POPDC3: variants seen among roughly 807,000 people sequenced by gnomAD.
The protein encoded by POPDC3 is popeye domain-containing protein 3.
In POPDC3, 20 loss-of-function variants were observed where a neutral mutation model predicts 28.2. That is an observed-to-expected ratio of 0.71 (90% CI 0.50 to 1.03). The LOEUF (loss-of-function observed/expected upper bound fraction) is 1.03. Among genes scored for constraint, POPDC3 ranks in the 50% least tolerant of loss-of-function variants. The probability of loss-of-function intolerance (pLI) is 0.00; values close to 1 mark genes in which losing one functional copy is unlikely to be tolerated. For synonymous variants in POPDC3, 118 were observed against 124.1 expected (o/e 0.95, Z 0.33); for missense variants, 316 against 345.9 (o/e 0.91, Z 0.69).
chr6:105,171,621 T>G (rs923622554), intron 1 of POPDC3, among the ~76,000 whole-genome samples: 2 of 151,850 alleles, frequency 1.3e-5, no homozygotes, highest in Non-Finnish European at 2.9e-5. Context: ...CAGAGAGCTG[T>G]GATCACGCCA....
In POPDC3 at chr6:105,178,969, C is replaced by T. The variant is rs892950628; in HGVS notation, c.-252+864G>A. 1.0e-5 allele frequency: 10 copies of T among 985,284 alleles called. No individual in the cohort carries two copies. In the Admixed American group the frequency reaches 2.5e-4, roughly 24 times the overall value. 61.0% of individuals were successfully genotyped at this position (985,284 alleles called of 1,614,324 possible). A position where few individuals can be genotyped will look rare whatever the true frequency, so the allele number is the denominator to read the frequency against. On this transcript the variant is annotated intron_variant, in intron 1 of 3. Coordinates refer to ENST00000254765, the MANE Select transcript of POPDC3 (RefSeq NM_022361.5). Reference sequence around the variant, plus strand: ...ATTAGAGTGAAAAGTCAGGAAGCAACGAAGTTTAGTAAATCAAATTGCGTC... The same window carrying T: ...ATTAGAGTGAAAAGTCAGGAAGCAATGAAGTTTAGTAAATCAAATTGCGTC...
intron 1 of POPDC3, among the ~76,000 whole-genome samples, chr6:105,170,937 A>G (rs1178630113): frequency 6.6e-6 from 1 of 152,222 alleles, no homozygotes; most frequent in Non-Finnish European, 1.5e-5. Context: ...AATGGTTGCC[A>G]TTTGTGAGTT....
intron 1 of POPDC3, chr6:105,169,649 A>C (rs1266368315): frequency 6.6e-6 from 1 of 152,206 alleles, no homozygotes; most frequent in African/African-American, 2.4e-5. Context: ...GTGTGACGCC[A>C]CCAAGGCCAG....
intron 1 of POPDC3, among the ~76,000 whole-genome samples, chr6:105,174,796 A>G (rs933071952): frequency 7.2e-5 from 11 of 152,214 alleles, no homozygotes; most frequent in African/African-American, 2.7e-4. Flanking sequence ...GATGAATCAA[A>G]AGTTGATACT....
intron 1 of POPDC3, chr6:105,177,167 G>A (rs1774696921): frequency 6.1e-6 from 1 of 163,766 alleles, no homozygotes; most frequent in Admixed American, 6.6e-5. Flanking sequence ...ATTGAAGACT[G>A]CCATGGATTG....
At chr6:105,171,026 T>C (rs1184014654) in intron 1 of POPDC3, among the ~76,000 whole-genome samples, 5 of 152,220 alleles carry the variant, frequency 3.3e-5, no homozygotes, top group East Asian at 1.9e-4. Context: ...TGTTTTTATA[T>C]AGGAAAGTTC....
rs1562152081 is a variant in POPDC3 at position 105,161,848 on chromosome 6, C to T, written c.62G>A (p.Trp21Ter). The T allele has an allele frequency of 6.2e-7, 1 of 1,613,778 alleles. No homozygotes were observed. The highest frequency in any genetic ancestry group is 8.5e-7 in the Non-Finnish European group (1 of 1,179,950). ...AATGGCTCCTTCGGCCTCTTGCTTC[C>T]AGGTTGTGCAGACTGGGTGTTCATC... Reference protein sequence around the residue: ...LIDEHPVCTTWKQEAEGAIYH... With the variant: ...LIDEHPVCTT The change falls in exon 2 of 4, where the codon TGG becomes TAG. Residue 21 changes from tryptophan (W) to a stop codon, truncating the protein, a stop_gained. Coordinates refer to ENST00000254765, the MANE Select transcript of POPDC3 (RefSeq NM_022361.5). LOFTEE classifies it high-confidence loss of function.
At chr6:105,179,187 A>G (rs1207422697) in intron 1 of POPDC3, 2 of 985,274 alleles carry the variant, frequency 2.0e-6, no homozygotes, top group Non-Finnish European at 2.4e-6. Flanking sequence ...AAGACAATTT[A>G]GGGGTTGGCA....
chr6:105,162,965 A>C (rs932381008), intron 1 of POPDC3, among the ~76,000 whole-genome samples: 3 of 152,300 alleles, frequency 2.0e-5, no homozygotes, highest in Admixed American at 2.0e-4. Flanking sequence ...CAGGCCACAC[A>C]GTGGTCACTG....
intron 1 of POPDC3, among the ~76,000 whole-genome samples, chr6:105,167,822 G>A (rs1188379183): frequency 4.0e-5 from 6 of 151,460 alleles, no homozygotes; most frequent in African/African-American, 7.3e-5. Flanking sequence ...CAGTGTTTTA[G>A]AAATAGTGGG....
At chr6:105,170,760 G>A (rs966934398) in intron 1 of POPDC3, among the ~76,000 whole-genome samples, 2 of 152,216 alleles carry the variant, frequency 1.3e-5, no homozygotes, top group African/African-American at 4.8e-5. Flanking sequence ...AATGGGGTTA[G>A]TGATATAACA....
intron 1 of POPDC3, among the ~76,000 whole-genome samples, chr6:105,175,397 G>A (rs1293781090): frequency 1.3e-5 from 2 of 150,458 alleles, no homozygotes; most frequent in Admixed American, 1.3e-4. Flanking sequence ...AAAAAGCTGG[G>A]TGCCATGGTG....
chr6:105,159,688 CTG>C (rs757982580), intron 3 of POPDC3, 21 bp downstream of exon 3: 3 of 1,303,726 alleles, frequency 2.3e-6, no homozygotes, highest in Non-Finnish European at 3.3e-6. Context: ...GGAGTGCTAA[CTG>C]TGTGTTCTGG....
Position 105,164,551 on chromosome 6 carries a change from T to C in POPDC3, c.-251-2391A>G, listed in dbSNP as rs148880990. Among the ~76,000 whole-genome samples the C allele has an allele frequency of 4.6e-3, 698 of 152,360 alleles. 7 individuals are homozygous for C. The highest frequency in any genetic ancestry group is 0.016 in the African/African-American group (672 of 41,578). ...TTTTATTTGGTCACCAAAACAGATA[T>C]GCTTTATTAGAAGTGGAAGAACTGA... On this transcript the variant is annotated intron_variant, in intron 1 of 3. Transcript: ENST00000254765.
At position 105,172,610 on chromosome 6, in the gene POPDC3, ACAATAG is replaced by A. The variant is rs1481477544; in HGVS notation, c.-252+7217_-252+7222del. ...ACATATGTTTATTGCGTCACTATTC[ACAATAG>A]CAAAGACTTGGAACCAACCCAAATG... On this transcript the variant is annotated intron_variant, in intron 1 of 3. Transcript: ENST00000254765. Among the ~76,000 whole-genome samples, 8 of 150,852 alleles carry A rather than the reference ACAATAG, an allele frequency of 5.3e-5. 1 individual carries two copies. The highest frequency in any genetic ancestry group is 2.0e-4 in the African/African-American group (8 of 40,718).
intron 1 of POPDC3, chr6:105,178,556 T>C (rs949391890): frequency 1.8e-5 from 3 of 169,242 alleles, no homozygotes; most frequent in African/African-American, 8.2e-5. Flanking sequence ...TATCCCAAAC[T>C]CCTGAAGACA....
intron 1 of POPDC3, among the ~76,000 whole-genome samples, chr6:105,177,571 G>A (rs1249452623): frequency 2.0e-5 from 3 of 152,318 alleles, no homozygotes; most frequent in African/African-American, 7.2e-5. Flanking sequence ...AAGATCAGCT[G>A]TGCTCTTTCT....
In POPDC3 at chr6:105,158,273, T is replaced by C. The variant is rs140524770; in HGVS notation, c.*197A>G. 2.9e-5 allele frequency: 15 copies of C among 521,868 alleles called. No homozygotes were observed. The highest frequency in any genetic ancestry group is 2.4e-4 in the East Asian group (8 of 33,232). 32.3% of individuals were successfully genotyped at this position (521,868 alleles called of 1,614,324 possible). On this transcript the variant is annotated 3_prime_UTR_variant, in exon 4 of 4. Transcript: ENST00000254765. ...TCCACCCCCTCCCCAATTATAACAA[T>C]GAGAAATACAAGAAAAATTTGTAAA...
intron 1 of POPDC3, among the ~76,000 whole-genome samples, chr6:105,165,451 C>T (rs569894397): frequency 9.2e-5 from 14 of 152,326 alleles, no homozygotes; most frequent in Non-Finnish European, 2.1e-4. Context: ...TTTTGTATTT[C>T]TGAGCCTTAG....
Sources: allele counts gnomAD v4.1 joint callset (sites outside exome capture counted in the v4.1 genomes callset), GRCh38; gene constraint gnomAD v4.1.1; transcripts MANE v1.5; gene names NCBI Gene and HGNC (gene_info 2026-07-23, HGNC 2026-07-21).